ZCWPW2: variants seen among roughly 807,000 people sequenced by gnomAD.
ZCWPW2 encodes the protein zinc finger CW-type PWWP domain protein 2.
ZCWPW2 carries 45 observed loss-of-function variants against 46.6 expected under a neutral mutation model. That is an observed-to-expected ratio of 0.96 (90% CI 0.76 to 1.24). The LOEUF is 1.24. ZCWPW2 is among the 50% of genes most tolerant of loss of function. ZCWPW2 has a pLI of 0.00. For missense variants in ZCWPW2, 429 were observed against 403.9 expected, an observed-to-expected ratio of 1.06 and a Z score of -0.53; for synonymous variants, 152 against 137.1, an observed-to-expected ratio of 1.11 and a Z score of -0.76.
At chr3:28,480,410 T>C (rs1393132322) in intron 5 of ZCWPW2, among the ~76,000 whole-genome samples, 1 of 145,880 alleles carries the variant, frequency 6.9e-6, no homozygotes, top group Admixed American at 7.0e-5. Context: ...TTTTTAATGG[T>C]TTTTTTTTTC....
intron 2 of ZCWPW2, among the ~76,000 whole-genome samples, chr3:28,393,272 G>T (rs1170406881): frequency 1.3e-5 from 2 of 151,940 alleles, no homozygotes; most frequent in Non-Finnish European, 2.9e-5. Context: ...TCTGAAATAG[G>T]CTAATAATAA....
intron 8 of ZCWPW2, among the ~76,000 whole-genome samples, chr3:28,519,659 C>A (rs1700667080): frequency 6.6e-6 from 1 of 152,080 alleles, no homozygotes; most frequent in African/African-American, 2.4e-5. Flanking sequence ...CCATGAACTG[C>A]AGATAATAGA....
intron 1 of ZCWPW2, among the ~76,000 whole-genome samples, chr3:28,365,854 G>T (rs1220344577): frequency 7.1e-6 from 1 of 140,818 alleles, no homozygotes; most frequent in Non-Finnish European, 1.6e-5. Flanking sequence ...CCTTGAAGAG[G>T]TCCTTCATCT....
intron 1 of ZCWPW2, among the ~76,000 whole-genome samples, chr3:28,358,677 G>C (rs1324125763): frequency 6.6e-6 from 1 of 152,074 alleles, no homozygotes; most frequent in African/African-American, 2.4e-5. Context: ...GTGTTGTGTA[G>C]TAGAATTCAA....
chr3:28,417,386 C>G (rs1475070715), intron 3 of ZCWPW2, among the ~76,000 whole-genome samples: 1 of 151,794 alleles, frequency 6.6e-6, no homozygotes. Context: ...GTTTAGCAAC[C>G]AAAAAAAGTC....
intron 6 of ZCWPW2, among the ~76,000 whole-genome samples, chr3:28,500,871 A>C (rs1700123249): frequency 6.6e-6 from 1 of 152,162 alleles, no homozygotes; most frequent in Non-Finnish European, 1.5e-5. Flanking sequence ...ATCTCAGAAA[A>C]GAATAGCAAG....
At chr3:28,356,144 C>T (rs1704722173) in intron 1 of ZCWPW2, among the ~76,000 whole-genome samples, 1 of 152,152 alleles carries the variant, frequency 6.6e-6, no homozygotes, top group African/African-American at 2.4e-5. Flanking sequence ...AGAACTTAAA[C>T]AAATTTACAA....
At chr3:28,452,343 G>A (rs906568808) in intron 4 of ZCWPW2, among the ~76,000 whole-genome samples, 2 of 152,108 alleles carry the variant, frequency 1.3e-5, no homozygotes, top group East Asian at 3.9e-4. Flanking sequence ...GGAGTGCAGT[G>A]GCACAGTCTC....
intron 4 of ZCWPW2, among the ~76,000 whole-genome samples, chr3:28,469,905 A>G (rs1698975498): frequency 6.6e-6 from 1 of 152,198 alleles, no homozygotes; most frequent in Non-Finnish European, 1.5e-5. Context: ...CATCAGACTT[A>G]GTCTGCACTT....
rs143184926 is a variant in ZCWPW2, at chr3:28,352,167, C to CACACGA, written c.-134+2964_-134+2965insACACGA. On this transcript the variant is annotated intron_variant, in intron 1 of 9. Coordinates refer to ENST00000383768, the MANE Select transcript of ZCWPW2 (RefSeq NM_001040432.4). The stretch of plus-strand genomic sequence containing the variant: ...ACACACACACACACACACACACACA[C>CACACGA]GAGAGAGAATTATGTATGCCTTGCA... Among the ~76,000 whole-genome samples, 1,428 of 147,702 alleles carry CACACGA rather than the reference C, an allele frequency of 9.7e-3. 18 individuals carry two copies. The highest frequency in any genetic ancestry group is 0.012 in the Non-Finnish European group (800 of 67,196).
Position 28,349,095 on chromosome 3 carries a change from GT to G in ZCWPW2, c.-241del, listed in dbSNP as rs1380901500. 1.0e-4 allele frequency: 102 copies of G among 985,614 alleles called. No homozygotes were observed. Among genetic ancestry groups the G allele is most frequent in the Non-Finnish European group, 1.2e-4 (99 of 830,168 alleles). The allele number at this position is 985,614 out of a possible 1,614,324, so 61.1% of individuals were successfully genotyped here. A position where few individuals can be genotyped will look rare whatever the true frequency, so the allele number is the denominator to read the frequency against. On this transcript the variant is annotated 5_prime_UTR_variant, in exon 1 of 10. It introduces an in-frame stop codon into an upstream open reading frame of the 5' UTR. Transcript: ENST00000383768. ...AGCGAAGCCAGGTTCGGTCGTGGGG[GT>G]GGGGAAGTGCAGGAGTGGCGCGCGG...
chr3:28,381,002 ATATATATATATATATATATTTGG>A (rs1695060355), intron 1 of ZCWPW2, among the ~76,000 whole-genome samples: 1 of 16,392 alleles, frequency 6.1e-5, no homozygotes, highest in Non-Finnish European at 1.1e-4. Flanking sequence ...TATATTTGGT[ATATATATATATATATATATTTGG>A]TATATATATA....
Position 28,360,433 on chromosome 3 carries a change from G to T in ZCWPW2, c.-134+11230G>T, listed in dbSNP as rs61620434. On this transcript the variant is annotated intron_variant, in intron 1 of 9. Coordinates refer to ENST00000383768, the MANE Select transcript of ZCWPW2 (RefSeq NM_001040432.4). The stretch of plus-strand genomic sequence containing the variant: ...AGCTACTTGGGAGGCTGAGGCAAGA[G>T]AATGGCATCAACCCAGGAGGCGGAG... 6.4e-3 allele frequency among the ~76,000 whole-genome samples: 940 copies of T among 147,748 alleles called. 8 individuals carry two copies. Among genetic ancestry groups the T allele is most frequent in the African/African-American group, 0.022 (886 of 40,020 alleles).
intron 1 of ZCWPW2, among the ~76,000 whole-genome samples, chr3:28,390,058 C>T (rs758018400): frequency 6.6e-6 from 1 of 152,162 alleles, no homozygotes; most frequent in Admixed American, 6.5e-5. Context: ...CAAGCTGACA[C>T]ATAAAATTAA....
At chr3:28,449,734 A>G (rs934115748) in intron 4 of ZCWPW2, among the ~76,000 whole-genome samples, 1 of 152,134 alleles carries the variant, frequency 6.6e-6, no homozygotes, top group African/African-American at 2.4e-5. Context: ...TATTTATATT[A>G]CTCTAGTAAT....
chr3:28,522,983 C>G (rs1700762812), intron 9 of ZCWPW2, among the ~76,000 whole-genome samples: 1 of 152,212 alleles, frequency 6.6e-6, no homozygotes, highest in South Asian at 2.1e-4. Flanking sequence ...TAGCGATGTC[C>G]TGGAGCTTTT....
intron 4 of ZCWPW2, among the ~76,000 whole-genome samples, chr3:28,465,364 A>G (rs1698780229): frequency 6.6e-6 from 1 of 152,194 alleles, no homozygotes; most frequent in Non-Finnish European, 1.5e-5. Context: ...TTGTCAATCC[A>G]GAAGCCTTTC....
At chr3:28,363,057 TG>T (rs1401917126) in intron 1 of ZCWPW2, among the ~76,000 whole-genome samples, 1 of 53,712 alleles carries the variant, frequency 1.9e-5, no homozygotes, top group African/African-American at 7.5e-5. Flanking sequence ...GGGGCCTACT[TG>T]GTGGGGAGGG....
chr3:28,425,735 GC>G (rs1696981137), intron 3 of ZCWPW2, among the ~76,000 whole-genome samples: 1 of 152,134 alleles, frequency 6.6e-6, no homozygotes, highest in Admixed American at 6.5e-5. Context: ...TTTCCTATGT[GC>G]AGACTCCAGG....
Sources: allele counts gnomAD v4.1 joint callset (sites outside exome capture counted in the v4.1 genomes callset), GRCh38; gene constraint gnomAD v4.1.1; transcripts MANE v1.5; gene names NCBI Gene and HGNC (gene_info 2026-07-23, HGNC 2026-07-21).